Variants in CNTN4 observed in about 807,000 individuals in gnomAD.
CNTN4 encodes the protein contactin 4.
In CNTN4, 77 loss-of-function variants were observed where a neutral mutation model predicts 122.5. That is an observed-to-expected ratio of 0.63 (90% CI 0.52 to 0.76). The LOEUF is 0.76. CNTN4 is among the 30% of genes least tolerant of loss of function. The probability of loss-of-function intolerance (pLI) is 0.00; values close to 1 mark genes in which losing one functional copy is unlikely to be tolerated. For synonymous variants in CNTN4, 512 were observed against 447.0 expected, an observed-to-expected ratio of 1.15 and a Z score of -1.83; for missense variants, 1,256 against 1,259.1, an observed-to-expected ratio of 1.00 and a Z score of 0.04.
In CNTN4 at chr3:2,916,512, G is replaced by T. The variant is rs1264442361; in HGVS notation, c.1208-9117G>T. Among the ~76,000 whole-genome samples, 4 of 147,212 alleles carry T rather than the reference G, an allele frequency of 2.7e-5. No homozygotes were observed. In the South Asian group the frequency reaches 6.7e-4, roughly 25 times the overall value. ...CAACACATGTTTCAGAGAGCACGGG[G>T]TTGGGGGTAAGGCCATAGATTAACA... On this transcript the variant is annotated intron_variant, in intron 12 of 24. Transcript: ENST00000418658.
At chr3:2,695,170 T>G (rs150506029) in intron 4 of CNTN4, among the ~76,000 whole-genome samples, 101 of 152,134 alleles carry the variant, frequency 6.6e-4, no homozygotes, top group Middle Eastern at 3.4e-3. Flanking sequence ...AGAGAAAGAG[T>G]TGGACTTTGT....
rs750647235 is a variant in CNTN4, at chr3:2,477,809, A to G, written c.-88-93607A>G. 2.2e-4 allele frequency among the ~76,000 whole-genome samples: 34 copies of G among 152,200 alleles called. 1 individual carries two copies. The highest frequency in any genetic ancestry group is 2.4e-5 in the African/African-American group (1 of 41,446). Reference sequence around the variant, plus strand: ...ACTGAGTTCTAAACTGCTACGTCTAATGAGCTGTGCGAAAATGCTGAGGTA... The same window carrying G: ...ACTGAGTTCTAAACTGCTACGTCTAGTGAGCTGTGCGAAAATGCTGAGGTA... On this transcript the variant is annotated intron_variant, in intron 3 of 24. Coordinates refer to ENST00000418658, the MANE Select transcript of CNTN4 (RefSeq NM_175607.3).
intron 2 of CNTN4, among the ~76,000 whole-genome samples, chr3:2,225,335 A>T (rs1236219422): frequency 6.6e-6 from 1 of 151,344 alleles, no homozygotes; most frequent in Non-Finnish European, 1.5e-5. Context: ...CAAGATGGTG[A>T]AACCCCCTCT....
intron 4 of CNTN4, among the ~76,000 whole-genome samples, chr3:2,711,946 C>T (rs2087176364): frequency 6.6e-6 from 1 of 152,152 alleles, no homozygotes; most frequent in South Asian, 2.1e-4. Flanking sequence ...TTTTTTAAAA[C>T]TCTTCCTTCA....
At chr3:2,150,038 T>C (rs931227773) in intron 2 of CNTN4, among the ~76,000 whole-genome samples, 2 of 152,050 alleles carry the variant, frequency 1.3e-5, no homozygotes, top group South Asian at 2.1e-4. Context: ...ATGTAATGAT[T>C]AGTTTTATTC....
chr3:2,194,074 C>T (rs1270080983), intron 2 of CNTN4, among the ~76,000 whole-genome samples: 7 of 152,086 alleles, frequency 4.6e-5, no homozygotes, highest in Non-Finnish European at 7.4e-5. Context: ...AAAAATGTCC[C>T]TGTTTAGAGG....
At chr3:2,432,186 T>C (rs1189727576) in intron 3 of CNTN4, among the ~76,000 whole-genome samples, 1 of 152,210 alleles carries the variant, frequency 6.6e-6, no homozygotes, top group Admixed American at 6.5e-5. Context: ...TAACTAAACA[T>C]CTGCCATTGC....
chr3:2,493,344 C>G (rs2076368627), intron 3 of CNTN4, among the ~76,000 whole-genome samples: 1 of 151,914 alleles, frequency 6.6e-6, no homozygotes, highest in South Asian at 2.1e-4. Flanking sequence ...CAGAAAATGC[C>G]ATTCCTCCGG....
At chr3:2,264,498 C>T (rs995527123) in intron 2 of CNTN4, among the ~76,000 whole-genome samples, 4 of 151,960 alleles carry the variant, frequency 2.6e-5, no homozygotes, top group African/African-American at 9.7e-5. Flanking sequence ...TTGGGTTTCT[C>T]ATGTATTCTG....
chr3:2,829,163 C>G (rs77937731), intron 7 of CNTN4, among the ~76,000 whole-genome samples: 1 of 152,056 alleles, frequency 6.6e-6, no homozygotes. Context: ...TTCTCTTCCC[C>G]GTTTGCCAAT....
chr3:2,435,967 A>T (rs1030364753), intron 3 of CNTN4, among the ~76,000 whole-genome samples: 1 of 152,208 alleles, frequency 6.6e-6, no homozygotes, highest in Non-Finnish European at 1.5e-5. Flanking sequence ...TGAAGAGACA[A>T]TGCAGGTCAA....
intron 4 of CNTN4, among the ~76,000 whole-genome samples, chr3:2,682,041 T>A (rs981903807): frequency 3.3e-5 from 5 of 152,220 alleles, no homozygotes; most frequent in African/African-American, 1.2e-4. Context: ...TTGTGTTTGA[T>A]CTTCCAATAT....
At chr3:2,286,594 T>C (rs2041911209) in intron 2 of CNTN4, among the ~76,000 whole-genome samples, 1 of 152,170 alleles carries the variant, frequency 6.6e-6, no homozygotes. Flanking sequence ...AAATGTTGTA[T>C]TAATGCATGA....
rs1222308569 is a variant in CNTN4, at chr3:2,385,067, T to C, written c.-89+45834T>C. 6.6e-6 allele frequency among the ~76,000 whole-genome samples: 1 copy of C among 152,174 alleles called. No individual in the cohort carries two copies. Among genetic ancestry groups the C allele is most frequent in the African/African-American group, 2.4e-5 (1 of 41,446 alleles). ...CTCTTCCTTCCTAACTGGTCTATTC[T>C]GGTATTACCCAGAACAAATAAATTA... On this transcript the variant is annotated intron_variant, in intron 3 of 24. Coordinates refer to ENST00000418658, the MANE Select transcript of CNTN4 (RefSeq NM_175607.3). This position sits in a 1 kb window ranked among gnomAD's most constrained non-coding sequence, Gnocchi z 4.0.
At chr3:2,222,919 C>T (rs2039117855) in intron 2 of CNTN4, among the ~76,000 whole-genome samples, 1 of 152,180 alleles carries the variant, frequency 6.6e-6, no homozygotes, top group Non-Finnish European at 1.5e-5. Context: ...CCCCTAAAAG[C>T]CACTACAGAC....
chr3:2,804,065 GCACACACACACACA>G (rs71058651), intron 6 of CNTN4, among the ~76,000 whole-genome samples: 9 of 144,326 alleles, frequency 6.2e-5, no homozygotes, highest in Non-Finnish European at 1.1e-4. Context: ...ATATATGTCT[GCACACACACACACA>G]CACACACACA....
chr3:2,298,800 T>C (rs2042401807), intron 2 of CNTN4, among the ~76,000 whole-genome samples: 1 of 152,170 alleles, frequency 6.6e-6, no homozygotes, highest in South Asian at 2.1e-4. Flanking sequence ...ATGAGTATTG[T>C]TTTAAAATTA....
At chr3:2,758,723 T>C (rs1055073995) in intron 6 of CNTN4, among the ~76,000 whole-genome samples, 1 of 152,004 alleles carries the variant, frequency 6.6e-6, no homozygotes, top group African/African-American at 2.4e-5. Context: ...GCCTGGCTGG[T>C]CACAAACTCC....
chr3:2,921,655 C>G (rs1309596987), intron 12 of CNTN4, among the ~76,000 whole-genome samples: 1 of 152,172 alleles, frequency 6.6e-6, no homozygotes. Flanking sequence ...AGTGATGCTT[C>G]TATCACAGAC....
Sources: gnomAD v4.1 joint callset for allele counts (sites outside exome capture counted in the v4.1 genomes callset) on GRCh38, gnomAD v4.1.1 for gene constraint, Gnocchi (gnomAD v3.1) non-coding constraint, MANE v1.5 for transcripts, NCBI Gene and HGNC (gene_info 2026-07-23, HGNC 2026-07-21) for gene names.